PTPRD: variants seen among roughly 807,000 people sequenced by gnomAD.
PTPRD encodes the protein receptor-type tyrosine-protein phosphatase delta.
PTPRD carries 34 observed loss-of-function variants against 214.5 expected under a neutral mutation model. The ratio of observed to expected loss-of-function variants is 0.16; its 90% CI spans 0.12 to 0.21. The LOEUF (loss-of-function observed/expected upper bound fraction) is 0.21, where lower values mean the gene tolerates loss of function less well. Among genes scored for constraint, PTPRD ranks in the 10% least tolerant of loss-of-function variants. The pLI, the probability that PTPRD is intolerant of heterozygous loss-of-function variation, is 1.00. For synonymous variants in PTPRD, 1,128 were observed against 845.7 expected, an observed-to-expected ratio of 1.33 and a Z score of -5.79; for missense variants, 2,545 against 2,398.7, an observed-to-expected ratio of 1.06 and a Z score of -1.27.
chr9:10,119,832 G>A (rs777644311), intron 3 of PTPRD, among the ~76,000 whole-genome samples: 21 of 151,932 alleles, frequency 1.4e-4, no homozygotes, highest in Non-Finnish European at 2.8e-4. Flanking sequence ...ACATAGCTCC[G>A]AGATAATGAG....
At chr9:9,013,947 A>G (rs1443206596) in intron 11 of PTPRD, among the ~76,000 whole-genome samples, 1 of 152,042 alleles carries the variant, frequency 6.6e-6, no homozygotes, top group Non-Finnish European at 1.5e-5. Flanking sequence ...AGTTTAACCA[A>G]TCTCACTATA....
chr9:8,699,866 G>C (rs1282514199), intron 12 of PTPRD, among the ~76,000 whole-genome samples: 2 of 151,978 alleles, frequency 1.3e-5, no homozygotes, highest in East Asian at 3.9e-4. Flanking sequence ...CCTAGCAAGA[G>C]TTTCCCATTG....
chr9:10,219,121 G>A (rs968630172), intron 3 of PTPRD, among the ~76,000 whole-genome samples: 1 of 151,606 alleles, frequency 6.6e-6, no homozygotes, highest in African/African-American at 2.4e-5. Context: ...AATTAGAAAG[G>A]ACTGACGGGG....
At chr9:10,031,641 T>TACACACACAC (rs1332974172) in intron 4 of PTPRD, among the ~76,000 whole-genome samples, 6 of 74,174 alleles carry the variant, frequency 8.1e-5, no homozygotes, top group African/African-American at 5.0e-4. Context: ...TATATATATA[T>TACACACACAC]ATATATACAC....
chr9:9,133,774 A>G (rs1251472197), intron 10 of PTPRD, among the ~76,000 whole-genome samples: 1 of 152,170 alleles, frequency 6.6e-6, no homozygotes, highest in African/African-American at 2.4e-5. Flanking sequence ...GAAACAGCAC[A>G]GGGCTTTAGG....
At chr9:9,077,430 G>A (rs549140004) in intron 10 of PTPRD, among the ~76,000 whole-genome samples, 1 of 151,902 alleles carries the variant, frequency 6.6e-6, no homozygotes, top group African/African-American at 2.4e-5. Flanking sequence ...AATGTAGTAA[G>A]TCTTTTCCAT....
intron 3 of PTPRD, among the ~76,000 whole-genome samples, chr9:10,049,839 CA>C (rs1339525692): frequency 1.4e-4 from 21 of 152,106 alleles, no homozygotes; most frequent in Non-Finnish European, 4.4e-5. Context: ...TCTAAAATAG[CA>C]AAACATTTAC....
intron 8 of PTPRD, among the ~76,000 whole-genome samples, chr9:9,539,578 G>T (rs1015349170): frequency 2.0e-5 from 3 of 151,748 alleles, no homozygotes; most frequent in African/African-American, 7.3e-5. Context: ...GAAACACGCT[G>T]TCTTTAACTA....
In PTPRD at chr9:8,465,536, G is replaced by C. The variant is rs535699951; in HGVS notation, c.3644C>G (p.Thr1215Arg). The change falls in exon 32 of 46, where the codon ACA (threonine) becomes AGA (arginine). Residue 1215 changes from threonine to arginine, a missense_variant. By Grantham distance (71) the Thr-to-Arg change is moderately conservative. Transcript: ENST00000381196. ...TTGACCACTTTGGAGTTGCTTGTTT[G>C]TAAATCCACCATAATGCTTGTCATC... ...LGDDKHYGGF[T>R]NKQLQSGQEY... The C allele has an allele frequency of 6.2e-7, 1 of 1,612,478 alleles. No homozygotes were observed. Among genetic ancestry groups the C allele is most frequent in the African/African-American group, 1.3e-5 (1 of 74,770 alleles).
chr9:8,399,882 C>G (rs2092073633), intron 36 of PTPRD, among the ~76,000 whole-genome samples: 1 of 152,148 alleles, frequency 6.6e-6, no homozygotes, highest in Non-Finnish European at 1.5e-5. Flanking sequence ...AGCTATTGAT[C>G]ATACTTAAGT....
intron 7 of PTPRD, among the ~76,000 whole-genome samples, chr9:9,701,037 A>AT (rs201951545): frequency 1.7e-4 from 26 of 150,392 alleles, no homozygotes; most frequent in East Asian, 9.8e-4. Flanking sequence ...TCATCCTGAG[A>AT]TTAAAAAAAA....
chr9:9,925,570 T>C (rs1340237370), intron 5 of PTPRD, among the ~76,000 whole-genome samples: 1 of 152,046 alleles, frequency 6.6e-6, no homozygotes, highest in Non-Finnish European at 1.5e-5. Context: ...ATATTAAATA[T>C]AGTGGTCTTT....
At chr9:9,537,623 G>A (rs2076784750) in intron 8 of PTPRD, among the ~76,000 whole-genome samples, 1 of 151,932 alleles carries the variant, frequency 6.6e-6, no homozygotes, top group South Asian at 2.1e-4. Flanking sequence ...TAGTTCAATA[G>A]AATTCCCAGT....
chr9:9,673,163 A>G (rs1374068435), intron 7 of PTPRD, among the ~76,000 whole-genome samples: 1 of 151,958 alleles, frequency 6.6e-6, no homozygotes, highest in Admixed American at 6.6e-5. Context: ...CACATTTTCA[A>G]AATCCTGTTA....
At chr9:8,670,609 C>T (rs2097264496) in intron 12 of PTPRD, among the ~76,000 whole-genome samples, 1 of 152,144 alleles carries the variant, frequency 6.6e-6, no homozygotes, top group South Asian at 2.1e-4. Context: ...CTTTCGCGTT[C>T]TAAACTTTAA....
intron 10 of PTPRD, among the ~76,000 whole-genome samples, chr9:9,142,512 T>C (rs1436007606): frequency 6.6e-6 from 1 of 152,230 alleles, no homozygotes; most frequent in Non-Finnish European, 1.5e-5. Context: ...TTCTTAGAAA[T>C]TTTGCCAAAG....
intron 3 of PTPRD, among the ~76,000 whole-genome samples, chr9:10,186,608 G>A (rs535836989): frequency 4.0e-4 from 61 of 152,004 alleles, no homozygotes; most frequent in Middle Eastern, 3.4e-3. Flanking sequence ...TAGGTTTTTG[G>A]CTCATAAATA....
intron 7 of PTPRD, among the ~76,000 whole-genome samples, chr9:9,653,126 A>C (rs1453147602): frequency 6.7e-6 from 1 of 148,404 alleles, no homozygotes; most frequent in Non-Finnish European, 1.5e-5. Flanking sequence ...GTGGATCATG[A>C]GGTCAGGAGA....
intron 3 of PTPRD, among the ~76,000 whole-genome samples, chr9:10,299,140 AT>A (rs1343896081): frequency 6.6e-6 from 1 of 152,182 alleles, no homozygotes. Flanking sequence ...TGTAATATAC[AT>A]TTATATTTTT....
Sources: allele counts gnomAD v4.1 joint callset (sites outside exome capture counted in the v4.1 genomes callset), GRCh38; gene constraint gnomAD v4.1.1; transcripts MANE v1.5; gene names NCBI Gene and HGNC (gene_info 2026-07-23, HGNC 2026-07-21).